TNIK: variants seen among roughly 807,000 people sequenced by gnomAD.
TNIK encodes TRAF2 and NCK-interacting protein kinase.
Under a neutral mutation model 191.3 loss-of-function variants are expected in TNIK, and 49 were observed. The ratio of observed to expected loss-of-function variants is 0.26; its 90% confidence interval spans 0.20 to 0.32. The LOEUF (loss-of-function observed/expected upper bound fraction) is 0.32, where lower values mean the gene tolerates loss of function less well. Ranked by LOEUF, TNIK falls within the 10% of genes least tolerant of loss-of-function variation. The probability of loss-of-function intolerance (pLI) is 1.00; values close to 1 mark genes in which losing one functional copy is unlikely to be tolerated. For synonymous variants in TNIK, 594 were observed against 600.9 expected (o/e 0.99, Z 0.17); for missense variants, 1,155 against 1,702.3 (o/e 0.68, Z 5.66).
At chr3:171,175,508 C>T (rs556878503) in intron 8 of TNIK, among the ~76,000 whole-genome samples, 178 bp from the exon 9 acceptor site, 1 of 152,332 alleles carries the variant, frequency 6.6e-6, no homozygotes, top group South Asian at 2.1e-4. Context: ...TATCCACTTA[C>T]AGGAGTCTCA....
rs529849842 is a variant in TNIK, at chr3:171,362,011, G to T, written c.123+7609C>A. On this transcript the variant is annotated intron_variant, in intron 2 of 32. Transcript: ENST00000436636. Reference sequence around the variant, plus strand: ...TCAATATCTAAATGAGGTTCTTGCTGCTCCACACCCCTTCACTAATCTCAC... The same window carrying T: ...TCAATATCTAAATGAGGTTCTTGCTTCTCCACACCCCTTCACTAATCTCAC... 3.9e-5 allele frequency among the ~76,000 whole-genome samples: 6 copies of T among 152,162 alleles called. No individual in the cohort carries two copies. The East Asian group carries it at 1.2e-3, about 29-fold the overall frequency.
chr3:171,156,046 A>G (rs1576987371), intron 12 of TNIK, among the ~76,000 whole-genome samples: 1 of 152,220 alleles, frequency 6.6e-6, no homozygotes. Flanking sequence ...ACATGGGACC[A>G]ATTACTTCCC....
In TNIK at chr3:171,443,952, C is replaced by T. The variant is rs116611403; in HGVS notation, c.57+16055G>A. Among the ~76,000 whole-genome samples, 522 of 152,252 alleles carry T rather than the reference C, an allele frequency of 3.4e-3. 4 individuals are homozygous for T. The highest frequency in any genetic ancestry group is 0.012 in the African/African-American group (500 of 41,548). The stretch of plus-strand genomic sequence containing the variant: ...TGGGAAAAACCTAATAATCTTTAAC[C>T]AGGTATTTTTTATATCTAGTCTGAT... On this transcript the variant is annotated intron_variant, in intron 1 of 32. Transcript: ENST00000436636.
intron 2 of TNIK, among the ~76,000 whole-genome samples, chr3:171,278,316 A>T (rs2109234994): frequency 6.6e-6 from 1 of 152,274 alleles, no homozygotes; most frequent in Non-Finnish European, 1.5e-5. Context: ...ATGCTGTCCA[A>T]AAAAGAGCAG....
intron 30 of TNIK, among the ~76,000 whole-genome samples, chr3:171,068,508 G>A (rs766086968): frequency 6.6e-6 from 1 of 152,100 alleles, no homozygotes; most frequent in Non-Finnish European, 1.5e-5. Context: ...TAAAATGAAC[G>A]AATTTCCCTT....
intron 2 of TNIK, among the ~76,000 whole-genome samples, chr3:171,360,720 G>C (rs370125949): frequency 1.1e-4 from 17 of 152,312 alleles, no homozygotes; most frequent in African/African-American, 4.1e-4. Flanking sequence ...CCTCTCCCTA[G>C]AGTACCTACT....
intron 12 of TNIK, among the ~76,000 whole-genome samples, chr3:171,148,604 C>T (rs1731964014): frequency 6.6e-6 from 1 of 152,048 alleles, no homozygotes; most frequent in African/African-American, 2.4e-5. Context: ...AGTTATAAAC[C>T]AGTTTATTAA....
At position 171,331,947 on chromosome 3, in the gene TNIK, G is replaced by C. The variant is rs150050722; in HGVS notation, c.123+37673C>G. On this transcript the variant is annotated intron_variant, in intron 2 of 32. Coordinates refer to ENST00000436636, the MANE Select transcript of TNIK (RefSeq NM_015028.4). ...TCTAATTTTTAAAAGTAATAAAAGT[G>C]TAGGGGAATCTGGATAGGTAACTGC... 4.7e-3 allele frequency among the ~76,000 whole-genome samples: 709 copies of C among 152,224 alleles called. 11 individuals carry two copies. The highest frequency in any genetic ancestry group is 0.017 in the African/African-American group (691 of 41,542).
intron 1 of TNIK, among the ~76,000 whole-genome samples, chr3:171,426,484 A>G (rs930326027): frequency 3.3e-5 from 5 of 152,010 alleles, no homozygotes; most frequent in African/African-American, 1.2e-4. Flanking sequence ...CAGCACACCA[A>G]CATGGCACAT....
At chr3:171,096,163 G>A (rs1722692381) in intron 22 of TNIK, among the ~76,000 whole-genome samples, 2 of 152,104 alleles carry the variant, frequency 1.3e-5, no homozygotes, top group African/African-American at 4.8e-5. Flanking sequence ...GCTATTGTCA[G>A]GGGCTCAGTT....
At chr3:171,380,007 CAA>C (rs1717799471) in intron 1 of TNIK, among the ~76,000 whole-genome samples, 1 of 132,444 alleles carries the variant, frequency 7.6e-6, no homozygotes, top group South Asian at 2.5e-4. Context: ...GAAACTTGGT[CAA>C]AACACACACA....
chr3:171,133,599 C>G (rs1044831083), intron 15 of TNIK, among the ~76,000 whole-genome samples: 1 of 152,156 alleles, frequency 6.6e-6, no homozygotes, highest in Non-Finnish European at 1.5e-5. Context: ...CTAGGTCAGG[C>G]AGGCAGGAAG....
chr3:171,348,734 G>GT (rs1278898620), intron 2 of TNIK, among the ~76,000 whole-genome samples: 1 of 152,092 alleles, frequency 6.6e-6, no homozygotes, highest in Non-Finnish European at 1.5e-5. Context: ...ACAGCACCGG[G>GT]TAGTGCTTTC....
intron 2 of TNIK, among the ~76,000 whole-genome samples, chr3:171,244,679 G>A (rs951136609): frequency 3.3e-5 from 5 of 151,526 alleles, no homozygotes; most frequent in Non-Finnish European, 7.4e-5. Flanking sequence ...TTAATCCATC[G>A]GCCTCTATGT....
intron 4 of TNIK, among the ~76,000 whole-genome samples, chr3:171,207,353 C>CT (rs201039372): frequency 0.021 from 3,197 of 151,356 alleles, 109 homozygotes; most frequent in African/African-American, 0.074. Flanking sequence ...AATTCTTTTT[C>CT]TTTTTTTTTA....
At chr3:171,431,070 C>T (rs888246365) in intron 1 of TNIK, among the ~76,000 whole-genome samples, 2 of 152,006 alleles carry the variant, frequency 1.3e-5, no homozygotes, top group African/African-American at 4.8e-5. Context: ...CTTGTTTTGG[C>T]TCTTTAGAAA....
At chr3:171,412,491 A>T (rs1027118230) in intron 1 of TNIK, among the ~76,000 whole-genome samples, 6 of 152,266 alleles carry the variant, frequency 3.9e-5, no homozygotes, top group African/African-American at 9.6e-5. Flanking sequence ...AATCATTTTT[A>T]AAAATCATAA....
chr3:171,351,271 A>ATGTGTGTGTGTGTGTGTGTGTGTG (rs1335605618), intron 2 of TNIK, among the ~76,000 whole-genome samples: 17 of 150,356 alleles, frequency 1.1e-4, no homozygotes, highest in African/African-American at 3.7e-4. Flanking sequence ...ATATGTATAT[A>ATGTGTGTGTGTGTGTGTGTGTGTG]TGTGTGTGTG....
rs199576662 is a variant in TNIK at position 171,209,099 on chromosome 3, A to T, written c.306+2017T>A. 3.7e-5 allele frequency among the ~76,000 whole-genome samples: 2 copies of T among 54,408 alleles called. 1 individual carries two copies. The highest frequency in any genetic ancestry group is 1.7e-4 in the African/African-American group (2 of 12,084). 35.7% of individuals were successfully genotyped at this position (54,408 alleles called of 152,430 possible). A position where few individuals can be genotyped will look rare whatever the true frequency, so the allele number is the denominator to read the frequency against. ...TGTGTGTGTGTGTGTGTGTGTGTGTATGCCAACTGCCCTTAAGTTGGACCA... is the reference window on the plus strand; with the variant it reads ...TGTGTGTGTGTGTGTGTGTGTGTGTTTGCCAACTGCCCTTAAGTTGGACCA... On this transcript the variant is annotated intron_variant, in intron 4 of 32. Coordinates refer to ENST00000436636, the MANE Select transcript of TNIK (RefSeq NM_015028.4).
Sources: gnomAD v4.1 joint callset for allele counts (sites outside exome capture counted in the v4.1 genomes callset) on GRCh38, gnomAD v4.1.1 for gene constraint, MANE v1.5 for transcripts, NCBI Gene and HGNC (gene_info 2026-07-23, HGNC 2026-07-21) for gene names.